The following ERN1 variants were observed in gnomAD, a reference collection of about 807,000 sequenced individuals.
ERN1 encodes serine/threonine-protein kinase/endoribonuclease IRE1.
A neutral mutation model predicts 113.1 loss-of-function variants in ERN1; 39 were observed. The ratio of observed to expected loss-of-function variants is 0.34; its 90% CI spans 0.27 to 0.45. The LOEUF (loss-of-function observed/expected upper bound fraction) is 0.45. Among genes scored for constraint, ERN1 ranks in the 20% least tolerant of loss-of-function variants. The probability of loss-of-function intolerance (pLI) is 1.00; values close to 1 mark genes in which losing one functional copy is unlikely to be tolerated. For missense variants in ERN1, 976 were observed against 1,274.8 expected (o/e 0.77, Z 3.57); for synonymous variants, 507 against 515.9 (o/e 0.98, Z 0.23).
chr17:64,057,723 T>TG, intron 12 of ERN1, 79 bp downstream of exon 12: 6 of 1,336,992 alleles, frequency 4.5e-6, no homozygotes, highest in Non-Finnish European at 5.3e-6. Flanking sequence ...TGTTTTTGTC[T>TG]GGATCTCACT....
In ERN1 at chr17:64,054,549, C is replaced by A; in HGVS notation, c.1764-110G>T. The A allele has an allele frequency of 1.7e-6, 2 of 1,158,174 alleles. No individual in the cohort carries two copies. Among genetic ancestry groups the A allele is most frequent in the Non-Finnish European group, 2.4e-6 (2 of 822,750 alleles). The allele number at this position is 1,158,174 out of a possible 1,614,324, so 71.7% of individuals were successfully genotyped here. On this transcript the variant is annotated intron_variant, in intron 14 of 21. Coordinates refer to ENST00000433197, the MANE Select transcript of ERN1 (RefSeq NM_001433.5). The surrounding 1 kb of genome is among the most constrained non-coding windows in gnomAD (Gnocchi z 4.9). The stretch of plus-strand genomic sequence containing the variant: ...ACCTACTGCCTCCCAGCCTAGAGAG[C>A]CCCGCCTGACTGCCTGGTGGCCCCG...
At position 64,040,222 on chromosome 17, in the gene ERN1, A is replaced by C. The variant is rs1912294825; in HGVS notation, c.*3766T>G. 1 of 152,284 alleles carries C rather than the reference A, an allele frequency of 6.6e-6. No homozygotes were observed. The highest frequency in any genetic ancestry group is 1.5e-5 in the Non-Finnish European group (1 of 68,090). 9.4% of individuals were successfully genotyped at this position (152,284 alleles called of 1,614,324 possible). ...AGAGAGAAAGCGACATGGGGGACTT[A>C]AAGAGGCTCCTTCCAGGGCGCTGGG... On this transcript the variant is annotated 3_prime_UTR_variant, in exon 22 of 22. Transcript: ENST00000433197.
intron 1 of ERN1, among the ~76,000 whole-genome samples, chr17:64,100,781 C>CAATAAATAAATA (rs58244964): frequency 6.6e-5 from 10 of 151,406 alleles, no homozygotes; most frequent in African/African-American, 1.9e-4. Flanking sequence ...GACTCTGTCT[C>CAATAAATAAATA]AATAAATAAA....
At chr17:64,115,250 C>T (rs983395627) in intron 1 of ERN1, among the ~76,000 whole-genome samples, 3 of 152,210 alleles carry the variant, frequency 2.0e-5, no homozygotes, top group Admixed American at 2.0e-4. Context: ...CTTCCAGGCA[C>T]TCCCTGCCTC....
At chr17:64,067,177 T>A (rs1913256154) in intron 7 of ERN1, among the ~76,000 whole-genome samples, 1 of 152,142 alleles carries the variant, frequency 6.6e-6, no homozygotes, top group Non-Finnish European at 1.5e-5. Context: ...GCAATTTATT[T>A]GGTGATGTTC....
At chr17:64,064,261 G>C in intron 9 of ERN1, 110 bp from the exon 10 acceptor site, 1 of 1,229,074 alleles carries the variant, frequency 8.1e-7, no homozygotes, top group Non-Finnish European at 1.1e-6. Context: ...TGCAGGGCTA[G>C]TCCAGGACAG....
chr17:64,064,252 G>C, intron 9 of ERN1, 101 bp from the exon 10 acceptor site: 1 of 1,307,800 alleles, frequency 7.6e-7, no homozygotes, highest in Non-Finnish European at 1.0e-6. Context: ...AATTTCTAGT[G>C]CAGGGCTAGT....
At chr17:64,102,608 A>C in intron 1 of ERN1, 1 of 943,940 alleles carries the variant, frequency 1.1e-6, no homozygotes, top group Non-Finnish European at 1.3e-6. Flanking sequence ...GCTATAGCTA[A>C]CATGAATTAA....
chr17:64,067,624 A>C (rs1392957823), intron 7 of ERN1, among the ~76,000 whole-genome samples: 1 of 151,836 alleles, frequency 6.6e-6, no homozygotes, highest in African/African-American at 2.4e-5. Context: ...AAAACAACAA[A>C]AAAACACCCT....
intron 1 of ERN1, among the ~76,000 whole-genome samples, chr17:64,127,352 G>C (rs1289611230): frequency 1.3e-5 from 2 of 152,176 alleles, no homozygotes; most frequent in East Asian, 3.8e-4. Flanking sequence ...AGCATCTTTG[G>C]AGCATAAAGA....
At chr17:64,070,430 G>A (rs973335703) in intron 6 of ERN1, among the ~76,000 whole-genome samples, 1 of 152,178 alleles carries the variant, frequency 6.6e-6, no homozygotes, top group Non-Finnish European at 1.5e-5. Context: ...AATTTCACCT[G>A]AGAATGACGC....
rs371984205 is a variant in ERN1, at chr17:64,057,835, A to G, written c.1365T>C (p.Ile455=). ...AGGTGATGATGAAGGCCACCCAGCC[A>G]ATCAGCAGGAAGGTGCTCAGGATGA... is the stretch of plus-strand genomic sequence containing the variant. ...ATIILSTFLL[I]GWVAFIITYP... Residue 455 remains isoleucine (I), a synonymous_variant, in exon 12 of 22, where the codon ATT becomes ATC. Transcript: ENST00000433197. 14 of 1,613,864 alleles carry G rather than the reference A, an allele frequency of 8.7e-6. No homozygotes were observed. Among genetic ancestry groups the G allele is most frequent in the African/African-American group, 1.3e-5 (1 of 74,948 alleles).
chr17:64,080,209 C>CT (rs1913724347), intron 3 of ERN1, among the ~76,000 whole-genome samples: 1 of 152,114 alleles, frequency 6.6e-6, no homozygotes. Context: ...AAAGCAGACT[C>CT]TAACAGCTTG....
rs769745165 is a variant in ERN1 at position 64,130,041 on chromosome 17, G to C, written c.-12C>G. ...CGCCGGGCCGGCATGGCGAGGACTC[G>C]GCCCTGGCTCCGGGGGCGGTACGGA... is the stretch of plus-strand genomic sequence containing the variant. On this transcript the variant is annotated 5_prime_UTR_variant, in exon 1 of 22. Coordinates refer to ENST00000433197, the MANE Select transcript of ERN1 (RefSeq NM_001433.5). The surrounding 1 kb of genome is among the most constrained non-coding windows in gnomAD (Gnocchi z 4.0). 7.1e-7 allele frequency: 1 copy of C among 1,407,152 alleles called. No homozygotes were observed. Among genetic ancestry groups the C allele is most frequent in the South Asian group, 1.5e-5 (1 of 65,638 alleles). The allele number at this position is 1,407,152 out of a possible 1,614,324, so 87.2% of individuals were successfully genotyped here.
chr17:64,066,966 C>G (rs768661195), intron 7 of ERN1, 34 bp from the exon 8 acceptor site: 1 of 1,599,172 alleles, frequency 6.3e-7, no homozygotes, highest in Non-Finnish European at 8.6e-7. Context: ...CATGCTGAGT[C>G]TCACCCCATC....
chr17:64,114,159 G>GT (rs1242836499), intron 1 of ERN1, among the ~76,000 whole-genome samples: 1 of 150,628 alleles, frequency 6.6e-6, no homozygotes, highest in East Asian at 2.0e-4. Context: ...TAAGCATCAT[G>GT]TAAGTGTCAG....
At chr17:64,066,625 C>A (rs1057350798) in intron 8 of ERN1, 46 bp downstream of exon 8, 8 of 1,603,916 alleles carry the variant, frequency 5.0e-6, no homozygotes, top group Admixed American at 1.7e-5. Flanking sequence ...AGCACCAGAA[C>A]ACGAAGGCCA....
chr17:64,079,514 G>A (rs922760978), intron 4 of ERN1, 148 bp downstream of exon 4: 1 of 586,216 alleles, frequency 1.7e-6, no homozygotes, highest in East Asian at 2.8e-5. Flanking sequence ...CTGATGCCCA[G>A]GCTCCTCTCT....
chr17:64,053,238 CG>C, intron 16 of ERN1, 33 bp downstream of exon 16: 1 of 1,536,798 alleles, frequency 6.5e-7, no homozygotes, highest in Non-Finnish European at 8.8e-7. Flanking sequence ...TCTCCCCACC[CG>C]GGCCGCTGGC....
Sources: allele counts gnomAD v4.1 joint callset (sites outside exome capture counted in the v4.1 genomes callset), GRCh38; gene constraint gnomAD v4.1.1; non-coding constraint Gnocchi (gnomAD v3.1); transcripts MANE v1.5; gene names NCBI Gene and HGNC (gene_info 2026-07-23, HGNC 2026-07-21).